Variants in RAB27A observed in about 807,000 individuals in gnomAD.
The protein encoded by RAB27A is RAB27A, member RAS oncogene family.
In RAB27A, 17 loss-of-function variants were observed where a neutral mutation model predicts 20.8. That is an observed-to-expected ratio of 0.82 (90% CI 0.56 to 1.23). The LOEUF (loss-of-function observed/expected upper bound fraction) is 1.23, where lower values mean the gene tolerates loss of function less well. RAB27A is among the 50% of genes most tolerant of loss of function. The pLI is 0.00. For synonymous variants in RAB27A, 85 were observed against 92.8 expected (o/e 0.92, Z 0.48); for missense variants, 277 against 266.7 (o/e 1.04, Z -0.27).
chr15:55,210,509 C>G (rs999027278), intron 6 of RAB27A, among the ~76,000 whole-genome samples: 1 of 150,360 alleles, frequency 6.7e-6, no homozygotes, highest in Non-Finnish European at 1.5e-5. Context: ...TTTTGATTTG[C>G]CTTTCTCTGA....
At chr15:55,229,195 T>G (rs954293440) in intron 4 of RAB27A, among the ~76,000 whole-genome samples, 1 of 152,140 alleles carries the variant, frequency 6.6e-6, no homozygotes, top group African/African-American at 2.4e-5. Context: ...CTGTCTTCCC[T>G]GTCTTCTCTC....
chr15:55,249,572 T>C (rs1308547910), intron 2 of RAB27A, among the ~76,000 whole-genome samples: 10 of 152,176 alleles, frequency 6.6e-5, no homozygotes, highest in Admixed American at 6.5e-4. Flanking sequence ...TGAGCCACCA[T>C]GCCCGGGCTG....
chr15:55,218,742 C>CT (rs565996048), intron 6 of RAB27A, among the ~76,000 whole-genome samples: 5,080 of 135,876 alleles, frequency 0.037, 290 homozygotes, highest in African/African-American at 0.12. Context: ...AGTTCACATT[C>CT]TTTTTTTTTT....
At chr15:55,248,724 C>A (rs547004047) in intron 2 of RAB27A, among the ~76,000 whole-genome samples, 1 of 152,248 alleles carries the variant, frequency 6.6e-6, no homozygotes, top group African/African-American at 2.4e-5. Flanking sequence ...AAACTAGGCT[C>A]AGAAAAATCA....
rs1894545883 is a variant in RAB27A at position 55,204,430 on chromosome 15, T to C, written c.*1077A>G. 1 of 152,212 alleles carries C rather than the reference T, an allele frequency of 6.6e-6. No individual in the cohort carries two copies. The allele number at this position is 152,212 out of a possible 1,614,324, so 9.4% of individuals were successfully genotyped here. ...CAGTACAAATGTGACTGCTTCAATA[T>C]GAACATCTATCTTCCACCAAATAGC... is the stretch of plus-strand genomic sequence containing the variant. On this transcript the variant is annotated 3_prime_UTR_variant, in exon 7 of 7. Transcript: ENST00000336787.
intron 2 of RAB27A, among the ~76,000 whole-genome samples, chr15:55,239,447 T>G (rs1003875922): frequency 2.0e-5 from 3 of 152,192 alleles, no homozygotes; most frequent in Non-Finnish European, 4.4e-5. Flanking sequence ...GTAGATATTC[T>G]GTATCCAAAA....
At chr15:55,220,293 G>A (rs1397960708) in intron 6 of RAB27A, among the ~76,000 whole-genome samples, 2 of 152,050 alleles carry the variant, frequency 1.3e-5, no homozygotes, top group Non-Finnish European at 2.9e-5. Context: ...TTGAGACAGA[G>A]TTTTGCTCTT....
At chr15:55,222,693 C>A (rs759564636) in intron 6 of RAB27A, among the ~76,000 whole-genome samples, 8 of 152,138 alleles carry the variant, frequency 5.3e-5, no homozygotes, top group Non-Finnish European at 1.2e-4. Context: ...AAGCAGTGAT[C>A]ACACAATAAA....
upstream of RAB27A, among the ~76,000 whole-genome samples, chr15:55,290,801 GGCAAA>G (rs1898288425): frequency 6.6e-6 from 1 of 152,224 alleles, no homozygotes; most frequent in African/African-American, 2.4e-5. Context: ...TGGAGTCTAA[GGCAAA>G]GGCCCTTTGA....
intron 2 of RAB27A, among the ~76,000 whole-genome samples, chr15:55,263,962 A>G (rs931319343): frequency 1.3e-5 from 2 of 152,238 alleles, no homozygotes; most frequent in African/African-American, 4.8e-5. Context: ...CACATTAAAC[A>G]TCGTAAGAGA....
At chr15:55,301,334 T>C (rs138074681) in intron 2 of RAB27A, among the ~76,000 whole-genome samples, 140 of 152,252 alleles carry the variant, frequency 9.2e-4, no homozygotes, top group Non-Finnish European at 1.6e-3. Context: ...ATTTAAAAAA[T>C]AGATGGATTA....
At chr15:55,312,358 G>A (rs1256696092) in intron 2 of RAB27A, among the ~76,000 whole-genome samples, 2 of 152,156 alleles carry the variant, frequency 1.3e-5, no homozygotes, top group African/African-American at 2.4e-5. Flanking sequence ...CAAAGGGAGG[G>A]GACCCAAAGA....
At chr15:55,280,503 T>TTTTATATATA (rs145726974) in intron 1 of RAB27A, among the ~76,000 whole-genome samples, 2 of 137,932 alleles carry the variant, frequency 1.4e-5, no homozygotes, top group African/African-American at 5.8e-5. Context: ...TGGGTATGGT[T>TTTTATATATA]TATATATATA....
At chr15:55,269,487 C>G (rs768453854) in intron 2 of RAB27A, among the ~76,000 whole-genome samples, 4 of 152,172 alleles carry the variant, frequency 2.6e-5, no homozygotes, top group African/African-American at 9.7e-5. Flanking sequence ...TGGCTCATGC[C>G]TGTAATCCCA....
chr15:55,265,629 C>T (rs1205603989), intron 2 of RAB27A, among the ~76,000 whole-genome samples: 2 of 150,224 alleles, frequency 1.3e-5, no homozygotes, highest in Non-Finnish European at 3.0e-5. Context: ...ATGCCTGATG[C>T]TCAAAATTAA....
At position 55,220,194 on chromosome 15, in the gene RAB27A, A is replaced by G. The variant is rs573533062; in HGVS notation, c.467+3695T>C. Among the ~76,000 whole-genome samples the G allele has an allele frequency of 2.6e-5, 4 of 152,194 alleles. No homozygotes were observed. The East Asian group carries it at 7.7e-4, about 29-fold the overall frequency. On this transcript the variant is annotated intron_variant, in intron 6 of 6. Transcript: ENST00000336787. ...CTGAGACATGGTGTTTGATTCTTTG[A>G]TATGTCTATTCCAGAGAACCAATTG...
intron 1 of RAB27A, among the ~76,000 whole-genome samples, chr15:55,278,600 A>C (rs1005503534): frequency 1.3e-5 from 2 of 151,416 alleles, no homozygotes; most frequent in African/African-American, 4.8e-5. Context: ...CGCCTGCCTC[A>C]GCCTCCCAAG....
intron 1 of RAB27A, among the ~76,000 whole-genome samples, chr15:55,275,777 C>T (rs1320781173): frequency 2.6e-5 from 4 of 151,496 alleles, no homozygotes; most frequent in Non-Finnish European, 5.9e-5. Context: ...GGCGAAAGAC[C>T]TGAATAGACA....
chr15:55,208,956 G>A (rs1394837447), intron 6 of RAB27A, among the ~76,000 whole-genome samples: 2 of 152,222 alleles, frequency 1.3e-5, no homozygotes, highest in East Asian at 1.9e-4. Context: ...GTAGGAAGGA[G>A]AATGGAATCA....
Sources: gnomAD v4.1 joint callset for allele counts (sites outside exome capture counted in the v4.1 genomes callset) on GRCh38, gnomAD v4.1.1 for gene constraint, MANE v1.5 for transcripts, NCBI Gene and HGNC (gene_info 2026-07-23, HGNC 2026-07-21) for gene names.